Variants in ADAM9 observed in about 807,000 individuals in gnomAD.
ADAM9 encodes disintegrin and metalloproteinase domain-containing protein 9.
A neutral mutation model predicts 108.1 loss-of-function variants in ADAM9; 54 were observed. The ratio of observed to expected loss-of-function variants is 0.50; its 90% CI spans 0.40 to 0.63. ADAM9 has a LOEUF of 0.63. Ranked by LOEUF, ADAM9 falls within the 20% of genes least tolerant of loss-of-function variation. ADAM9 has a pLI of 0.00. For synonymous variants in ADAM9, 316 were observed against 336.0 expected, an observed-to-expected ratio of 0.94 and a Z score of 0.65; for missense variants, 830 against 997.7, an observed-to-expected ratio of 0.83 and a Z score of 2.26.
chr8:39,091,029 A>T (rs1346322723), intron 19 of ADAM9, among the ~76,000 whole-genome samples: 2 of 152,222 alleles, frequency 1.3e-5, no homozygotes, highest in African/African-American at 4.8e-5. Context: ...CAATTTCTTA[A>T]AATTTCAGTT....
intron 12 of ADAM9, among the ~76,000 whole-genome samples, chr8:39,047,434 T>G (rs574628976): frequency 5.9e-5 from 9 of 152,178 alleles, no homozygotes; most frequent in Non-Finnish European, 1.2e-4. Context: ...GTCCTGTGCT[T>G]TTCTTTGCTA....
intron 5 of ADAM9, chr8:39,016,999 T>C (rs1254892596): frequency 1.5e-5 from 8 of 549,856 alleles, no homozygotes; most frequent in Non-Finnish European, 2.3e-5. Context: ...CTCAGGGAGG[T>C]TAAGTGACTT....
At chr8:39,038,348 G>A (rs964904481) in intron 11 of ADAM9, among the ~76,000 whole-genome samples, 4 of 152,068 alleles carry the variant, frequency 2.6e-5, no homozygotes, top group Non-Finnish European at 4.4e-5. Flanking sequence ...AGTCTGCCAG[G>A]AAAGCTTCTA....
intron 9 of ADAM9, 116 bp from the exon 10 acceptor site, chr8:39,025,687 A>C: frequency 1.0e-6 from 1 of 953,940 alleles, no homozygotes; most frequent in Non-Finnish European, 1.6e-6. Flanking sequence ...TTTTTTTGCC[A>C]TTTTCCTGCC....
intron 14 of ADAM9, among the ~76,000 whole-genome samples, chr8:39,067,232 T>C (rs1207394334): frequency 6.6e-6 from 1 of 152,188 alleles, no homozygotes; most frequent in Admixed American, 6.5e-5. Context: ...CTTGGCAATG[T>C]GGGCTCTTTT....
chr8:39,063,760 G>A (rs1316139801), intron 14 of ADAM9, among the ~76,000 whole-genome samples: 14 of 152,122 alleles, frequency 9.2e-5, no homozygotes, highest in African/African-American at 3.1e-4. Flanking sequence ...TTAGAGCTCA[G>A]TGTACCCAGC....
rs73602747 is a variant in ADAM9 at position 39,056,555 on chromosome 8, G to A, written c.1591+783G>A. ...ATTCTTCATCCTCCCAATAGTTAGG[G>A]CAGTGATGACTGTGTATTGTATAAT... is the stretch of plus-strand genomic sequence containing the variant. On this transcript the variant is annotated intron_variant, in intron 14 of 21. Coordinates refer to ENST00000487273, the MANE Select transcript of ADAM9 (RefSeq NM_003816.3). 7.2e-3 allele frequency among the ~76,000 whole-genome samples: 1,091 copies of A among 152,152 alleles called. 20 individuals carry two copies. The highest frequency in any genetic ancestry group is 0.025 in the African/African-American group (1,042 of 41,518).
chr8:39,026,784 G>T lies in ADAM9; in HGVS notation c.1104G>T (p.Lys368Asn), dbSNP rs200352143. Reference protein sequence around the residue: ...DDGRDCSCGAKSCIMNSGASG... With the variant: ...DDGRDCSCGANSCIMNSGASG... ...GGAGAGATTGTTCCTGTGGAGCAAA[G>T]AGCTGCATCATGAATTCAGGAGCAT... The change falls in exon 11 of 22, where the codon AAG becomes AAT. Residue 368 changes from lysine to asparagine, a missense_variant. Physicochemically the swap from Lys to Asn is moderately conservative, Grantham distance 94. This residue lies in a region of ADAM9 where 381 missense variants were observed against 539.8 expected (regional missense o/e 0.71). Coordinates refer to ENST00000487273, the MANE Select transcript of ADAM9 (RefSeq NM_003816.3). 4.0e-5 allele frequency: 65 copies of T among 1,613,364 alleles called. 1 individual carries two copies. The East Asian group carries it at 9.1e-4, about 23-fold the overall frequency.
intron 12 of ADAM9, among the ~76,000 whole-genome samples, chr8:39,042,905 G>A (rs1837496495): frequency 6.6e-6 from 1 of 152,058 alleles, no homozygotes; most frequent in Non-Finnish European, 1.5e-5. Context: ...CTGTTGATCG[G>A]CAGCTCCCCA....
intron 14 of ADAM9, among the ~76,000 whole-genome samples, chr8:39,065,650 G>T (rs766182094): frequency 2.2e-4 from 24 of 107,884 alleles, no homozygotes; most frequent in Non-Finnish European, 4.3e-4. Flanking sequence ...ACAGTGCGAG[G>T]CTACATCTCA....
intron 1 of ADAM9, among the ~76,000 whole-genome samples, chr8:39,000,025 C>T (rs1488841977): frequency 1.3e-5 from 2 of 152,094 alleles, no homozygotes; most frequent in African/African-American, 4.8e-5. Context: ...GCTAATCCCT[C>T]ACAGTCTTTT....
At chr8:39,025,718 A>G (rs912243737) in intron 9 of ADAM9, 85 bp from the exon 10 acceptor site, 19 of 1,327,076 alleles carry the variant, frequency 1.4e-5, no homozygotes, top group East Asian at 9.3e-5. Flanking sequence ...GGTTCTCCCA[A>G]TCCAGTTGAG....
chr8:39,100,265 G>A (rs904156429), intron 20 of ADAM9, among the ~76,000 whole-genome samples: 9 of 151,698 alleles, frequency 5.9e-5, no homozygotes, highest in East Asian at 3.9e-4. Context: ...TGAGGTGGGC[G>A]GATCATGAGG....
At chr8:39,041,470 C>T (rs1212588564) in intron 11 of ADAM9, among the ~76,000 whole-genome samples, 3 of 147,802 alleles carry the variant, frequency 2.0e-5, no homozygotes, top group African/African-American at 7.4e-5. Context: ...ACTGGAGTTG[C>T]CCATTTGCAT....
intron 13 of ADAM9, 29 bp downstream of exon 13, chr8:39,054,602 G>GAAAAACAAAA: frequency 1.1e-6 from 1 of 944,768 alleles, no homozygotes; most frequent in Non-Finnish European, 1.5e-6. Flanking sequence ...TTGGAAACAG[G>GAAAAACAAAA]AAAAAAAAAA....
At chr8:39,020,892 T>A (rs1836715583) in intron 7 of ADAM9, among the ~76,000 whole-genome samples, 2 of 150,156 alleles carry the variant, frequency 1.3e-5, no homozygotes, top group Non-Finnish European at 1.5e-5. Context: ...TCTGTTAAAT[T>A]AAAAAAAAAA....
At chr8:39,088,954 TAAG>T (rs1327499432) in intron 18 of ADAM9, among the ~76,000 whole-genome samples, 1 of 151,906 alleles carries the variant, frequency 6.6e-6, no homozygotes, top group East Asian at 1.9e-4. Context: ...AATGTTTCCT[TAAG>T]AAAAAAGTGA....
In ADAM9 at chr8:39,103,690, C is replaced by T; in HGVS notation, c.2450C>T (p.Ser817Phe). 6.2e-7 allele frequency: 1 copy of T among 1,613,770 alleles called. No homozygotes were observed. Among genetic ancestry groups the T allele is most frequent in the African/African-American group, 1.3e-5 (1 of 75,024 alleles). Residue 817 changes from serine to phenylalanine, a missense_variant, in exon 22 of 22, where the codon TCC (serine) becomes TTC (phenylalanine). Transcript: ENST00000487273. The stretch of plus-strand genomic sequence containing the variant: ...GCTCCTGCACCTCCTTTATATAGTT[C>T]CCTCACTTGATTTTTTTAACCTTCT... The part of the protein sequence containing the change: ...RPAPAPPLYS[S>F]LT
In ADAM9 at chr8:39,090,079, G is replaced by T; in HGVS notation, c.2101G>T (p.Val701Phe). 1.2e-6 allele frequency: 2 copies of T among 1,613,800 alleles called. No individual in the cohort carries two copies. Among genetic ancestry groups the T allele is most frequent in the East Asian group, 4.5e-5 (2 of 44,824 alleles). The change falls in exon 19 of 22, where the codon GTC becomes TTC. Residue 701 changes from valine to phenylalanine, a missense_variant. Physicochemically the swap from Val to Phe is conservative, Grantham distance 50. This residue lies in a region of ADAM9 where 238 missense variants were observed against 235.7 expected (regional missense o/e 1.01). Transcript: ENST00000487273. ...MNTALRDGLL[V>F]FFFLIVPLIV... ...TACTGCATTGAGGGACGGACTTCTG[G>T]TCTTCTTCTTCCTAATTGTTCCCCT...
Sources: allele counts gnomAD v4.1 joint callset (sites outside exome capture counted in the v4.1 genomes callset), GRCh38; gene constraint gnomAD v4.1.1; regional missense constraint gnomAD v4.1.1; transcripts MANE v1.5; gene names NCBI Gene and HGNC (gene_info 2026-07-23, HGNC 2026-07-21).